SCMH1: variants seen among roughly 807,000 people sequenced by gnomAD.
The protein encoded by SCMH1 is Scm polycomb group protein homolog 1, also known as polycomb protein SCMH1.
Under a neutral mutation model 70.8 loss-of-function variants are expected in SCMH1, and 37 were observed. That is an observed-to-expected ratio of 0.52 (90% confidence interval 0.40 to 0.69). The LOEUF is 0.69. Ranked by LOEUF, SCMH1 falls within the 30% of genes least tolerant of loss-of-function variation. SCMH1 has a pLI of 0.00. For synonymous variants in SCMH1, 292 were observed against 307.4 expected, an observed-to-expected ratio of 0.95 and a Z score of 0.52; for missense variants, 607 against 827.3, an observed-to-expected ratio of 0.73 and a Z score of 3.27.
intron 8 of SCMH1, among the ~76,000 whole-genome samples, chr1:41,101,252 G>C (rs1457058671): frequency 1.3e-5 from 2 of 152,192 alleles, no homozygotes; most frequent in African/African-American, 2.4e-5. Flanking sequence ...AATTAAAAGT[G>C]CTCCTTTGGG....
At chr1:41,175,783 T>C (rs925377427) in intron 2 of SCMH1, among the ~76,000 whole-genome samples, 5 of 152,190 alleles carry the variant, frequency 3.3e-5, no homozygotes, top group Admixed American at 2.0e-4. Context: ...CCTTCTCTCC[T>C]GGTTTTTACA....
In SCMH1 at chr1:41,070,735, T is replaced by G. The variant is rs200760867; in HGVS notation, c.979-14A>C. 11 of 1,613,292 alleles carry G rather than the reference T, an allele frequency of 6.8e-6. No homozygotes were observed. In the East Asian group the frequency reaches 2.2e-4, roughly 33 times the overall value. ...CCGAGGTTTCCTCTGTCAAAATGAA[T>G]GGGAAAAAAATTGCTACCCATGACA... is the stretch of plus-strand genomic sequence containing the variant. On this transcript the variant is annotated splice_polypyrimidine_tract_variant and intron_variant, in intron 9 of 14. Coordinates refer to ENST00000337495, the Ensembl canonical transcript of SCMH1.
intron 2 of SCMH1, among the ~76,000 whole-genome samples, chr1:41,167,402 T>A (rs955272128): frequency 1.1e-4 from 16 of 152,152 alleles, no homozygotes; most frequent in Non-Finnish European, 2.1e-4. Context: ...TTTGAAGAAT[T>A]CCCTCCTCTT....
At chr1:41,117,672 C>T (rs552397444) in intron 6 of SCMH1, among the ~76,000 whole-genome samples, 2 of 152,354 alleles carry the variant, frequency 1.3e-5, no homozygotes, top group East Asian at 3.9e-4. Context: ...GTACACCTGG[C>T]TCTGCCTTTT....
At chr1:41,177,605 T>G (rs1262158707) in intron 2 of SCMH1, among the ~76,000 whole-genome samples, 2 of 152,090 alleles carry the variant, frequency 1.3e-5, no homozygotes, top group African/African-American at 2.4e-5. Flanking sequence ...CAAGCCTCAG[T>G]AGCCGATTTG....
chr1:41,157,446 A>G (rs1244774274), intron 4 of SCMH1, among the ~76,000 whole-genome samples: 1 of 152,200 alleles, frequency 6.6e-6, no homozygotes, highest in Non-Finnish European at 1.5e-5. Context: ...TCACTAGAAG[A>G]ATTTTTACTT....
At chr1:41,079,446 G>A (rs1323046621) in intron 8 of SCMH1, among the ~76,000 whole-genome samples, 2 of 152,026 alleles carry the variant, frequency 1.3e-5, no homozygotes, top group Admixed American at 6.6e-5. Context: ...AAAGCAAACA[G>A]ATGAAAATAA....
chr1:41,137,683 G>A (rs139453616), intron 6 of SCMH1, among the ~76,000 whole-genome samples: 1 of 152,236 alleles, frequency 6.6e-6, no homozygotes, highest in African/African-American at 2.4e-5. Flanking sequence ...CCATAGAGGG[G>A]AGTTCCTAGC....
At position 41,234,453 on chromosome 1, in the gene SCMH1, CTTTTTTTTTTTTTTTTTTTTT is replaced by C. The variant is rs66686109; in HGVS notation, c.-118+7585_-118+7605del. Among the ~76,000 whole-genome samples, 4 of 49,356 alleles carry C rather than the reference CTTTTTTTTTTTTTTTTTTTTT, an allele frequency of 8.1e-5. 1 individual carries two copies. The highest frequency in any genetic ancestry group is 7.0e-4 in the Admixed American group (2 of 2,842). The allele number at this position is 49,356 out of a possible 152,430, so 32.4% of individuals were successfully genotyped here. ...GCTGGGCAACGGAGCAACTCTGCCT[CTTTTTTTTTTTTTTTTTTTTT>C]TTTTTTTTTTTGAGACACAGTCTGG... On this transcript the variant is annotated intron_variant, in intron 1 of 14. Transcript: ENST00000337495.
intron 1 of SCMH1, among the ~76,000 whole-genome samples, chr1:41,210,196 A>G (rs1352539004): frequency 6.6e-6 from 1 of 152,244 alleles, no homozygotes; most frequent in South Asian, 2.1e-4. Flanking sequence ...CCACTGCTCA[A>G]TGAAATAAAA....
intron 8 of SCMH1, among the ~76,000 whole-genome samples, chr1:41,088,961 C>G (rs896938284): frequency 6.6e-6 from 1 of 152,196 alleles, no homozygotes; most frequent in Non-Finnish European, 1.5e-5. Context: ...TGTCTACACT[C>G]TAGTCCTTAG....
chr1:41,063,317 T>C (rs769960184), intron 10 of SCMH1, among the ~76,000 whole-genome samples: 2 of 151,240 alleles, frequency 1.3e-5, no homozygotes, highest in Non-Finnish European at 3.0e-5. Flanking sequence ...ACTAAAAATA[T>C]AAAAAATTAG....
chr1:41,165,181 T>C (rs78824553), intron 2 of SCMH1, among the ~76,000 whole-genome samples: 11,885 of 152,204 alleles, frequency 0.078, 598 homozygotes, highest in South Asian at 0.13. Flanking sequence ...TTACATCCTC[T>C]AGGTTCATCC....
intron 8 of SCMH1, among the ~76,000 whole-genome samples, chr1:41,098,028 C>T (rs1049829183): frequency 1.3e-5 from 2 of 152,166 alleles, no homozygotes; most frequent in African/African-American, 4.8e-5. Context: ...AACTGGTTAT[C>T]AACTCTAAAC....
chr1:41,123,771 A>G (rs949729840), intron 6 of SCMH1, among the ~76,000 whole-genome samples: 1 of 152,216 alleles, frequency 6.6e-6, no homozygotes, highest in Non-Finnish European at 1.5e-5. Context: ...TACATGTTTT[A>G]TCCTTGGAGG....
At chr1:41,136,338 C>T (rs935799093) in intron 6 of SCMH1, among the ~76,000 whole-genome samples, 2 of 151,662 alleles carry the variant, frequency 1.3e-5, no homozygotes, top group African/African-American at 2.4e-5. Context: ...TCAAATTTAT[C>T]TGCATAGTTA....
chr1:41,125,409 G>A (rs2148005331), intron 6 of SCMH1, among the ~76,000 whole-genome samples: 1 of 151,976 alleles, frequency 6.6e-6, no homozygotes, highest in East Asian at 1.9e-4. Context: ...TAGGGACAGA[G>A]TTTCACCATG....
chr1:41,164,799 G>A (rs760871839), intron 2 of SCMH1, among the ~76,000 whole-genome samples: 1 of 152,010 alleles, frequency 6.6e-6, no homozygotes, highest in Non-Finnish European at 1.5e-5. Flanking sequence ...ATAAAGTGAT[G>A]TTTCAATATA....
chr1:41,196,783 T>C (rs1653120182), intron 1 of SCMH1, among the ~76,000 whole-genome samples: 1 of 152,110 alleles, frequency 6.6e-6, no homozygotes, highest in South Asian at 2.1e-4. Context: ...TCGGAGACAA[T>C]ACTTGCAAAT....
Sources: gnomAD v4.1 joint callset for allele counts (sites outside exome capture counted in the v4.1 genomes callset) on GRCh38, gnomAD v4.1.1 for gene constraint, MANE v1.5 for transcripts, NCBI Gene and HGNC (gene_info 2026-07-23, HGNC 2026-07-21) for gene names.